Variants in MRTFA observed in about 807,000 individuals in gnomAD.
MRTFA encodes the protein myocardin-related transcription factor A.
A neutral mutation model predicts 83.5 loss-of-function variants in MRTFA; 20 were observed. The observed-to-expected ratio is 0.24, with a 90% confidence interval of 0.17 to 0.35. The LOEUF is 0.35. MRTFA is among the 10% of genes least tolerant of loss of function. MRTFA has a pLI of 1.00. For missense variants in MRTFA, 1,200 were observed against 1,224.7 expected (o/e 0.98, Z 0.30); for synonymous variants, 659 against 541.2 (o/e 1.22, Z -3.02).
intron 3 of MRTFA, among the ~76,000 whole-genome samples, chr22:40,518,304 G>T (rs773083744): frequency 2.0e-5 from 3 of 152,058 alleles, no homozygotes; most frequent in Non-Finnish European, 2.9e-5. Flanking sequence ...GAAATCTTGT[G>T]GGCCTGAGCC....
chr22:40,549,980 C>T (rs778644611), intron 3 of MRTFA, among the ~76,000 whole-genome samples: 2 of 148,794 alleles, frequency 1.3e-5, no homozygotes, highest in Admixed American at 6.8e-5. Flanking sequence ...ACCCGGGAGA[C>T]GGAGGCTGCA....
At chr22:40,623,743 A>T (rs917423485) in intron 1 of MRTFA, among the ~76,000 whole-genome samples, 2 of 152,228 alleles carry the variant, frequency 1.3e-5, no homozygotes, top group Non-Finnish European at 2.9e-5. Context: ...CATGTATTAA[A>T]TACCTATTTT....
intron 1 of MRTFA, among the ~76,000 whole-genome samples, chr22:40,600,678 A>G (rs2056248410): frequency 6.6e-6 from 1 of 152,126 alleles, no homozygotes; most frequent in Non-Finnish European, 1.5e-5. Flanking sequence ...ATACTTTACA[A>G]AATAAAAAAC....
chr22:40,620,015 T>C (rs1035776984), intron 1 of MRTFA, among the ~76,000 whole-genome samples: 4 of 151,540 alleles, frequency 2.6e-5, no homozygotes, highest in African/African-American at 4.8e-5. Flanking sequence ...TGGAGTGCAG[T>C]GGCGTGATCT....
intron 3 of MRTFA, among the ~76,000 whole-genome samples, chr22:40,470,768 G>T (rs752601269): frequency 6.7e-6 from 1 of 148,724 alleles, no homozygotes; most frequent in Non-Finnish European, 1.5e-5. Flanking sequence ...CACCAATATG[G>T]TGAAACCCTG....
chr22:40,556,776 C>A (rs1171448960), intron 2 of MRTFA, among the ~76,000 whole-genome samples: 1 of 152,178 alleles, frequency 6.6e-6, no homozygotes, highest in Non-Finnish European at 1.5e-5. Context: ...CAGGATTAAT[C>A]CATCCGGCTG....
intron 10 of MRTFA, 25 bp downstream of exon 10, chr22:40,420,822 C>T: frequency 6.2e-7 from 1 of 1,611,520 alleles, no homozygotes. Flanking sequence ...AGGGCAGGGG[C>T]AGGCAGTGAG....
intron 12 of MRTFA, chr22:40,417,738 C>T: frequency 2.0e-6 from 1 of 507,366 alleles, no homozygotes; most frequent in South Asian, 2.4e-5. Flanking sequence ...CTGGGCTGGG[C>T]TGGTCACCCC....
At chr22:40,614,144 G>C (rs1467616157) in intron 1 of MRTFA, among the ~76,000 whole-genome samples, 1 of 151,914 alleles carries the variant, frequency 6.6e-6, no homozygotes, top group Non-Finnish European at 1.5e-5. Flanking sequence ...AGAGGTTGCA[G>C]TAAGCCGGGA....
intron 3 of MRTFA, among the ~76,000 whole-genome samples, chr22:40,549,512 C>T (rs1413146924): frequency 1.3e-5 from 2 of 152,042 alleles, no homozygotes; most frequent in African/African-American, 4.8e-5. Context: ...AAAAACTAAC[C>T]ACAGTGTTGA....
chr22:40,505,509 A>G (rs1266888867), intron 3 of MRTFA, among the ~76,000 whole-genome samples: 1 of 152,272 alleles, frequency 6.6e-6, no homozygotes, highest in Admixed American at 6.5e-5. Context: ...TAGTCAATAC[A>G]TGGTAGCTAA....
Position 40,463,220 on chromosome 22 carries a change from C to G in MRTFA, c.307+1G>C. 6.2e-7 allele frequency: 1 copy of G among 1,613,782 alleles called. No homozygotes were observed. The highest frequency in any genetic ancestry group is 8.5e-7 in the Non-Finnish European group (1 of 1,179,722). ...AAATGCTGAGAGAGAGAGGCACTTA[C>G]GCGGCATGATCCCTTGGCTCACCAG... On this transcript the variant is annotated splice_donor_variant, in intron 4 of 14. Transcript: ENST00000355630. LOFTEE classifies it high-confidence loss of function.
intron 3 of MRTFA, among the ~76,000 whole-genome samples, chr22:40,528,262 G>A (rs1602387874): frequency 6.6e-6 from 1 of 152,168 alleles, no homozygotes; most frequent in East Asian, 1.9e-4. Flanking sequence ...ATTCTGAGTA[G>A]TGACAGAATC....
chr22:40,517,065 G>C (rs2054773559), intron 3 of MRTFA, among the ~76,000 whole-genome samples: 1 of 152,024 alleles, frequency 6.6e-6, no homozygotes, highest in Non-Finnish European at 1.5e-5. Context: ...TGGGACTATA[G>C]GTGTGCACTG....
intron 1 of MRTFA, among the ~76,000 whole-genome samples, chr22:40,631,706 T>C (rs1221835293): frequency 6.6e-6 from 1 of 152,226 alleles, no homozygotes; most frequent in Non-Finnish European, 1.5e-5. Flanking sequence ...ACTTAAAACA[T>C]TTCATGTGAA....
chr22:40,563,503 G>GAAAAAAAAA (rs55787923), intron 2 of MRTFA, among the ~76,000 whole-genome samples: 1 of 89,912 alleles, frequency 1.1e-5, no homozygotes. Flanking sequence ...CACAGATACA[G>GAAAAAAAAA]AAAAAAAAAA....
chr22:40,576,075 C>G (rs1269846459), intron 2 of MRTFA, among the ~76,000 whole-genome samples: 2 of 146,190 alleles, frequency 1.4e-5, no homozygotes, highest in African/African-American at 5.1e-5. Context: ...GTCTCCCAGG[C>G]TGGAGTACAG....
At chr22:40,529,852 ACCCCAGTC>A (rs886406129) in intron 3 of MRTFA, among the ~76,000 whole-genome samples, 63 of 152,130 alleles carry the variant, frequency 4.1e-4, no homozygotes, top group African/African-American at 1.4e-3. Context: ...AGTCTCTTCC[ACCCCAGTC>A]CCCCAGTTCT....
chr22:40,635,098 A>C (rs1045790455), intron 1 of MRTFA, among the ~76,000 whole-genome samples: 1 of 152,208 alleles, frequency 6.6e-6, no homozygotes, highest in African/African-American at 2.4e-5. Flanking sequence ...TCATTTCAAT[A>C]AGAAACAGTA....
Sources: allele counts gnomAD v4.1 joint callset (sites outside exome capture counted in the v4.1 genomes callset), GRCh38; gene constraint gnomAD v4.1.1; transcripts MANE v1.5; gene names NCBI Gene and HGNC (gene_info 2026-07-23, HGNC 2026-07-21).